PDGFC: variants seen among roughly 807,000 people sequenced by gnomAD.
PDGFC encodes the protein platelet-derived growth factor C.
Under a neutral mutation model 35.5 loss-of-function variants are expected in PDGFC, and 12 were observed. The observed-to-expected ratio is 0.34, with a 90% CI of 0.22 to 0.55. PDGFC has a LOEUF of 0.55. Ranked by LOEUF, PDGFC falls within the 20% of genes least tolerant of loss-of-function variation. The pLI is 0.91. For missense variants in PDGFC, 322 were observed against 412.4 expected, an observed-to-expected ratio of 0.78 and a Z score of 1.90; for synonymous variants, 159 against 148.8, an observed-to-expected ratio of 1.07 and a Z score of -0.50.
chr4:156,775,165 T>C (rs1014181743), intron 3 of PDGFC, among the ~76,000 whole-genome samples: 1 of 152,158 alleles, frequency 6.6e-6, no homozygotes, highest in Non-Finnish European at 1.5e-5. Context: ...AACTCTATTA[T>C]AGATATAAAC....
chr4:156,823,691 A>G (rs776401504), intron 2 of PDGFC, among the ~76,000 whole-genome samples: 2 of 152,176 alleles, frequency 1.3e-5, no homozygotes, highest in Non-Finnish European at 2.9e-5. Context: ...TTCCTCAAAA[A>G]GAGAAAAATA....
intron 1 of PDGFC, among the ~76,000 whole-genome samples, chr4:156,863,436 A>G (rs1238977673): frequency 1.3e-5 from 2 of 152,172 alleles, no homozygotes; most frequent in African/African-American, 2.4e-5. Context: ...CAGCCCACTG[A>G]GTGTAACTTT....
At chr4:156,857,175 A>C (rs1205865963) in intron 1 of PDGFC, among the ~76,000 whole-genome samples, 1 of 152,062 alleles carries the variant, frequency 6.6e-6, no homozygotes, top group Non-Finnish European at 1.5e-5. Context: ...GTATATAAGT[A>C]AATGGAAGAA....
At chr4:156,797,656 A>C (rs1731482444) in intron 3 of PDGFC, among the ~76,000 whole-genome samples, 1 of 152,168 alleles carries the variant, frequency 6.6e-6, no homozygotes, top group Admixed American at 6.5e-5. Flanking sequence ...AAATCTCATA[A>C]TGTTTTAAGG....
chr4:156,915,079 CA>C (rs1164519467), intron 1 of PDGFC, among the ~76,000 whole-genome samples: 5 of 151,998 alleles, frequency 3.3e-5, no homozygotes, highest in African/African-American at 9.6e-5. Flanking sequence ...AAAAAATGGC[CA>C]AAAAAATGCT....
chr4:156,811,392 C>T (rs1001160740), intron 2 of PDGFC, among the ~76,000 whole-genome samples: 3 of 152,040 alleles, frequency 2.0e-5, no homozygotes, highest in Non-Finnish European at 2.9e-5. Context: ...TATTACTGCC[C>T]TTTATTTTCT....
At chr4:156,802,824 C>A (rs888485962) in intron 3 of PDGFC, among the ~76,000 whole-genome samples, 5 of 152,064 alleles carry the variant, frequency 3.3e-5, no homozygotes, top group African/African-American at 1.2e-4. Flanking sequence ...TTTAAGTGGC[C>A]AGCTTAAATT....
intron 2 of PDGFC, among the ~76,000 whole-genome samples, chr4:156,849,915 T>C (rs1729411924): frequency 6.6e-6 from 1 of 152,080 alleles, no homozygotes; most frequent in Admixed American, 6.6e-5. Context: ...CTACAGTCCT[T>C]TATACAGCTT....
chr4:156,966,822 C>A (rs1436321257), intron 1 of PDGFC, among the ~76,000 whole-genome samples: 1 of 152,170 alleles, frequency 6.6e-6, no homozygotes, highest in Non-Finnish European at 1.5e-5. Flanking sequence ...TCTGTACTTT[C>A]TAAACACCTT....
chr4:156,825,587 TAATAATAAGAAGAAG>T lies in PDGFC; in HGVS notation c.315-14585_315-14571del, dbSNP rs1180458081. The stretch of plus-strand genomic sequence containing the variant: ...ATAATAATAATAATAATAATAATAA[TAATAATAAGAAGAAG>T]AAGAAGAAGAAGAAGAAGAAGAAGA... On this transcript the variant is annotated intron_variant, in intron 2 of 5. Coordinates refer to ENST00000502773, the MANE Select transcript of PDGFC (RefSeq NM_016205.3). 4.7e-3 allele frequency among the ~76,000 whole-genome samples: 407 copies of T among 87,158 alleles called. 3 individuals carry two copies. Among genetic ancestry groups the T allele is most frequent in the South Asian group, 0.021 (47 of 2,258 alleles). The allele number at this position is 87,158 out of a possible 152,430, so 57.2% of individuals were successfully genotyped here.
At chr4:156,816,526 G>A (rs2110962446) in intron 2 of PDGFC, among the ~76,000 whole-genome samples, 1 of 152,152 alleles carries the variant, frequency 6.6e-6, no homozygotes, top group Middle Eastern at 3.4e-3. Flanking sequence ...GACAGACACT[G>A]TTTTTTCTTA....
intron 1 of PDGFC, among the ~76,000 whole-genome samples, chr4:156,939,461 C>CT (rs1444722940): frequency 1.3e-5 from 2 of 151,896 alleles, no homozygotes; most frequent in African/African-American, 2.4e-5. Context: ...TCACATAAAC[C>CT]TAAAAAACAA....
intron 3 of PDGFC, among the ~76,000 whole-genome samples, chr4:156,773,122 G>A (rs1730733063): frequency 6.6e-6 from 1 of 152,158 alleles, no homozygotes; most frequent in Non-Finnish European, 1.5e-5. Flanking sequence ...CCAACCGTGA[G>A]GGATATGGAT....
intron 3 of PDGFC, among the ~76,000 whole-genome samples, chr4:156,778,035 C>G (rs1161805297): frequency 6.6e-6 from 1 of 151,874 alleles, no homozygotes; most frequent in Non-Finnish European, 1.5e-5. Flanking sequence ...ACCCAGGAGG[C>G]GGAGGTTGCA....
chr4:156,959,607 A>G (rs1268313008), intron 1 of PDGFC, among the ~76,000 whole-genome samples: 1 of 152,040 alleles, frequency 6.6e-6, no homozygotes, highest in Non-Finnish European at 1.5e-5. Flanking sequence ...ACATTCCTAC[A>G]TACCAAAAGT....
chr4:156,950,224 C>T (rs1732047221), intron 1 of PDGFC, among the ~76,000 whole-genome samples: 1 of 151,898 alleles, frequency 6.6e-6, no homozygotes, highest in Admixed American at 6.6e-5. Context: ...TTGAAGATGA[C>T]ATAAATGCCC....
intron 1 of PDGFC, among the ~76,000 whole-genome samples, chr4:156,962,454 C>T (rs1420274063): frequency 2.6e-5 from 4 of 152,068 alleles, no homozygotes; most frequent in Non-Finnish European, 5.9e-5. Flanking sequence ...CACTGTGTTC[C>T]CATAGCACTT....
intron 1 of PDGFC, among the ~76,000 whole-genome samples, chr4:156,897,631 A>G (rs1730666941): frequency 6.6e-6 from 1 of 152,192 alleles, no homozygotes; most frequent in Non-Finnish European, 1.5e-5. Context: ...TTAAACCTAC[A>G]TAGACTTTGA....
chr4:156,865,955 T>C (rs342319), intron 1 of PDGFC, among the ~76,000 whole-genome samples: 3 of 152,056 alleles, frequency 2.0e-5, no homozygotes, highest in Non-Finnish European at 4.4e-5. Context: ...TACTTTTTTT[T>C]AAATTTTATT....
Sources: allele counts gnomAD v4.1 joint callset (sites outside exome capture counted in the v4.1 genomes callset), GRCh38; gene constraint gnomAD v4.1.1; transcripts MANE v1.5; gene names NCBI Gene and HGNC (gene_info 2026-07-23, HGNC 2026-07-21).